Variants in MYO1D observed in about 807,000 individuals in gnomAD.
MYO1D encodes the protein unconventional myosin-Id.
A neutral mutation model predicts 122.0 loss-of-function variants in MYO1D; 83 were observed. The ratio of observed to expected loss-of-function variants is 0.68; its 90% CI spans 0.57 to 0.82. The LOEUF (loss-of-function observed/expected upper bound fraction) is 0.82. Among genes scored for constraint, MYO1D ranks in the 40% least tolerant of loss-of-function variants. The pLI is 0.00. For missense variants in MYO1D, 1,157 were observed against 1,269.5 expected, an observed-to-expected ratio of 0.91 and a Z score of 1.35; for synonymous variants, 464 against 446.9, an observed-to-expected ratio of 1.04 and a Z score of -0.48.
rs536799408 is a variant in MYO1D, at chr17:32,565,179, T to C, written c.2864+39908A>G. 2.0e-5 allele frequency among the ~76,000 whole-genome samples: 3 copies of C among 152,210 alleles called. No individual in the cohort carries two copies. In the East Asian group the frequency reaches 5.8e-4, roughly 29 times the overall value. ...CCACCACATCCAGCTAATTTTTGTATTTTTAGTACAGACAGGGTTTCACCA... is the reference window on the plus strand; with the variant it reads ...CCACCACATCCAGCTAATTTTTGTACTTTTAGTACAGACAGGGTTTCACCA... On this transcript the variant is annotated intron_variant, in intron 21 of 21. Coordinates refer to ENST00000318217, the MANE Select transcript of MYO1D (RefSeq NM_015194.3).
At position 32,798,340 on chromosome 17, in the gene MYO1D, G is replaced by C. The variant is rs540744576; in HGVS notation, c.96-17556C>G. Among the ~76,000 whole-genome samples the C allele has an allele frequency of 1.5e-4, 23 of 152,334 alleles. No individual in the cohort carries two copies. In the South Asian group the frequency reaches 2.9e-3, roughly 19 times the overall value. ...ATAAGGCTGCATTTCCTCATGGAAA[G>C]CTTTTAATACTTCCTATATTCTGCA... On this transcript the variant is annotated intron_variant, in intron 1 of 21. Coordinates refer to ENST00000318217, the MANE Select transcript of MYO1D (RefSeq NM_015194.3).
At chr17:32,617,094 T>C (rs1856894900) in intron 20 of MYO1D, among the ~76,000 whole-genome samples, 1 of 152,142 alleles carries the variant, frequency 6.6e-6, no homozygotes, top group Admixed American at 6.5e-5. Flanking sequence ...GGCACGAGAA[T>C]TGTTGAACCT....
chr17:32,598,986 T>C (rs2087529953), intron 21 of MYO1D, among the ~76,000 whole-genome samples: 1 of 152,218 alleles, frequency 6.6e-6, no homozygotes, highest in Admixed American at 6.5e-5. Context: ...TGTTGACGGC[T>C]GCTTACTGAT....
At chr17:32,605,416 G>A (rs1437003233) in intron 20 of MYO1D, among the ~76,000 whole-genome samples, 175 bp from the exon 21 acceptor site, 2 of 152,048 alleles carry the variant, frequency 1.3e-5, no homozygotes, top group Admixed American at 6.6e-5. Flanking sequence ...ACAACATAAC[G>A]AGACACCATC....
chr17:32,798,295 G>A (rs1206877905), intron 1 of MYO1D, among the ~76,000 whole-genome samples: 1 of 152,184 alleles, frequency 6.6e-6, no homozygotes, highest in African/African-American at 2.4e-5. Flanking sequence ...GGCTTTCCTC[G>A]TCAGAAGTCT....
intron 21 of MYO1D, among the ~76,000 whole-genome samples, chr17:32,507,507 T>C (rs1368104765): frequency 6.6e-6 from 1 of 152,218 alleles, no homozygotes; most frequent in East Asian, 1.9e-4. Flanking sequence ...ACAGAACACA[T>C]ACTAGACCAC....
chr17:32,666,526 T>C (rs546044062), intron 16 of MYO1D, among the ~76,000 whole-genome samples: 1 of 152,348 alleles, frequency 6.6e-6, no homozygotes, highest in South Asian at 2.1e-4. Flanking sequence ...TTTCTTCTGC[T>C]GCATACTTCT....
chr17:32,862,680 G>T (rs2091088034), intron 1 of MYO1D, among the ~76,000 whole-genome samples: 1 of 152,060 alleles, frequency 6.6e-6, no homozygotes, highest in South Asian at 2.1e-4. Context: ...AAAACTTGTT[G>T]TAAGGATAAA....
rs145776111 is a variant in MYO1D, at chr17:32,580,375, T to C, written c.2864+24712A>G. Among the ~76,000 whole-genome samples, 344 of 131,610 alleles carry C rather than the reference T, an allele frequency of 2.6e-3. 7 individuals are homozygous for C. Among genetic ancestry groups the C allele is most frequent in the African/African-American group, 0.011 (327 of 30,934 alleles). 86.3% of individuals were successfully genotyped at this position (131,610 alleles called of 152,430 possible). ...AATGCTTTTTCTGCAACCACTGAGA[T>C]TGTTTTTTTTTTTCAGTTTGTTTAT... is the stretch of plus-strand genomic sequence containing the variant. On this transcript the variant is annotated intron_variant, in intron 21 of 21. Coordinates refer to ENST00000318217, the MANE Select transcript of MYO1D (RefSeq NM_015194.3).
chr17:32,714,163 A>G (rs1805786827), intron 15 of MYO1D, among the ~76,000 whole-genome samples: 1 of 151,738 alleles, frequency 6.6e-6, no homozygotes, highest in Non-Finnish European at 1.5e-5. Context: ...AAATCAGCCC[A>G]TTACCTAGGT....
intron 21 of MYO1D, among the ~76,000 whole-genome samples, chr17:32,499,521 C>G (rs1156851249): frequency 6.6e-6 from 1 of 152,022 alleles, no homozygotes; most frequent in African/African-American, 2.4e-5. Context: ...GTAATCCCAG[C>G]TACTCGGGAG....
intron 16 of MYO1D, among the ~76,000 whole-genome samples, chr17:32,682,421 T>C (rs1261158744): frequency 5.4e-5 from 8 of 148,564 alleles, no homozygotes. Flanking sequence ...AGTGCTTCCT[T>C]CAGGAGCTCT....
chr17:32,679,942 G>C (rs1296764252), intron 16 of MYO1D, among the ~76,000 whole-genome samples: 1 of 148,464 alleles, frequency 6.7e-6, no homozygotes, highest in Non-Finnish European at 1.5e-5. Flanking sequence ...TCCTTGAGCA[G>C]TGGTTTGTAG....
intron 16 of MYO1D, among the ~76,000 whole-genome samples, chr17:32,705,428 T>G (rs1260997368): frequency 8.3e-6 from 1 of 120,406 alleles, no homozygotes; most frequent in Non-Finnish European, 1.8e-5. Context: ...CCCGGCTAAT[T>G]TTTTGTACTT....
intron 21 of MYO1D, among the ~76,000 whole-genome samples, chr17:32,505,984 C>T (rs745985212): frequency 1.1e-4 from 16 of 152,160 alleles, no homozygotes; most frequent in Non-Finnish European, 2.2e-4. Flanking sequence ...TTTGGGAGGC[C>T]AAGGTGGGAG....
intron 21 of MYO1D, among the ~76,000 whole-genome samples, chr17:32,546,147 C>T (rs1211930875): frequency 6.6e-6 from 1 of 151,978 alleles, no homozygotes; most frequent in Non-Finnish European, 1.5e-5. Context: ...TTGTAACGGC[C>T]CTGAGCTGTT....
intron 21 of MYO1D, among the ~76,000 whole-genome samples, chr17:32,556,262 T>C (rs2087067902): frequency 6.6e-6 from 1 of 152,236 alleles, no homozygotes; most frequent in South Asian, 2.1e-4. Context: ...TATATTTTTC[T>C]AACTTAATGC....
intron 11 of MYO1D, 118 bp downstream of exon 11, chr17:32,755,374 T>A: frequency 9.0e-7 from 1 of 1,108,642 alleles, no homozygotes; most frequent in Non-Finnish European, 1.3e-6. Context: ...TGTTTATGAC[T>A]TTTCTTTCTT....
intron 20 of MYO1D, among the ~76,000 whole-genome samples, chr17:32,612,297 C>A (rs1207074155): frequency 6.6e-6 from 1 of 151,928 alleles, no homozygotes; most frequent in Non-Finnish European, 1.5e-5. Flanking sequence ...CAGACCAAAC[C>A]CTTGGCAGAG....
Sources: gnomAD v4.1 joint callset for allele counts (sites outside exome capture counted in the v4.1 genomes callset) on GRCh38, gnomAD v4.1.1 for gene constraint, MANE v1.5 for transcripts, NCBI Gene and HGNC (gene_info 2026-07-23, HGNC 2026-07-21) for gene names.